The following ZMAT3 variants were observed in gnomAD, a reference collection of about 807,000 sequenced individuals.
ZMAT3 encodes the protein zinc finger matrin-type 3.
A neutral mutation model predicts 32.3 loss-of-function variants in ZMAT3; 17 were observed. That is an observed-to-expected ratio of 0.53 (90% CI 0.36 to 0.79). The LOEUF (loss-of-function observed/expected upper bound fraction) is 0.79. Ranked by LOEUF, ZMAT3 falls within the 30% of genes least tolerant of loss-of-function variation. ZMAT3 has a pLI of 0.00. For synonymous variants in ZMAT3, 120 were observed against 133.1 expected (o/e 0.90, Z 0.68); for missense variants, 329 against 359.7 (o/e 0.91, Z 0.69).
intron 2 of ZMAT3, among the ~76,000 whole-genome samples, chr3:179,034,714 C>T (rs1719487877): frequency 6.6e-6 from 1 of 152,216 alleles, no homozygotes; most frequent in South Asian, 2.1e-4. Context: ...TTTCTCATCA[C>T]CACCATCACC....
In ZMAT3 at chr3:179,025,231, A is replaced by G; in HGVS notation, c.659-3T>C. Reference sequence around the variant, plus strand: ...GCGGGGATTGAAGTAAGGACCTGCTAAAGCAAGAGATAAAAATAATATATT... The same window carrying G: ...GCGGGGATTGAAGTAAGGACCTGCTGAAGCAAGAGATAAAAATAATATATT... On this transcript the variant is annotated splice_polypyrimidine_tract_variant and splice_region_variant and intron_variant, in intron 5 of 5. Transcript: ENST00000311417. 6.2e-7 allele frequency: 1 copy of G among 1,604,068 alleles called. No homozygotes were observed. The highest frequency in any genetic ancestry group is 8.5e-7 in the Non-Finnish European group (1 of 1,173,622).
chr3:179,060,936 A>G (rs1263408629), intron 2 of ZMAT3, among the ~76,000 whole-genome samples: 1 of 152,212 alleles, frequency 6.6e-6, no homozygotes, highest in Non-Finnish European at 1.5e-5. Flanking sequence ...AGCTGTTAAC[A>G]TTCCAAAGAA....
At chr3:179,029,012 T>G (rs925159007) in intron 3 of ZMAT3, among the ~76,000 whole-genome samples, 1 of 151,820 alleles carries the variant, frequency 6.6e-6, no homozygotes, top group African/African-American at 2.4e-5. Flanking sequence ...TAACAAAAAT[T>G]AGCTGGGCAT....
chr3:179,035,921 C>G (rs1024746520), intron 2 of ZMAT3, among the ~76,000 whole-genome samples: 1 of 152,122 alleles, frequency 6.6e-6, no homozygotes, highest in African/African-American at 2.4e-5. Context: ...AAAAAGAAAA[C>G]TGTGCACCAA....
chr3:179,052,656 C>T (rs1053017679), intron 2 of ZMAT3, among the ~76,000 whole-genome samples: 2 of 152,092 alleles, frequency 1.3e-5, no homozygotes, highest in Non-Finnish European at 2.9e-5. Context: ...AGGGTATCTA[C>T]CCACAGGAAA....
chr3:179,047,337 G>T (rs1211697894), intron 2 of ZMAT3, among the ~76,000 whole-genome samples: 1 of 152,180 alleles, frequency 6.6e-6, no homozygotes, highest in Non-Finnish European at 1.5e-5. Flanking sequence ...CACCCTGTGG[G>T]ACAAAAGAAT....
intron 2 of ZMAT3, among the ~76,000 whole-genome samples, chr3:179,067,112 G>A (rs563321078): frequency 1.8e-4 from 28 of 152,230 alleles, no homozygotes; most frequent in African/African-American, 6.7e-4. Flanking sequence ...GTACATCATG[G>A]GTTTTTTTGT....
chr3:179,019,323 C>T lies in ZMAT3; in HGVS notation c.*5694G>A, dbSNP rs1432345971. 6.6e-6 allele frequency: 1 copy of T among 151,412 alleles called. No individual in the cohort carries two copies. Among genetic ancestry groups the T allele is most frequent in the Non-Finnish European group, 1.5e-5 (1 of 67,848 alleles). 9.4% of individuals were successfully genotyped at this position (151,412 alleles called of 1,614,324 possible). The stretch of plus-strand genomic sequence containing the variant: ...ATTGGCTCAGATTATCAACTTCATA[C>T]ACCACTTTCAAAATAGATATTTAAA... On this transcript the variant is annotated 3_prime_UTR_variant, in exon 6 of 6. Coordinates refer to ENST00000311417, the MANE Select transcript of ZMAT3 (RefSeq NM_022470.4).
At chr3:179,035,277 G>A (rs2108548230) in intron 2 of ZMAT3, among the ~76,000 whole-genome samples, 1 of 152,296 alleles carries the variant, frequency 6.6e-6, no homozygotes, top group South Asian at 2.1e-4. Context: ...TGGGCCTTAT[G>A]TCAGACAGCA....
chr3:179,026,540 C>T (rs1428458010), intron 5 of ZMAT3, among the ~76,000 whole-genome samples: 1 of 151,964 alleles, frequency 6.6e-6, no homozygotes, highest in Non-Finnish European at 1.5e-5. Flanking sequence ...GCGTATGCCA[C>T]CATGCCCAGC....
chr3:179,030,337 C>T (rs1576839250), intron 3 of ZMAT3, among the ~76,000 whole-genome samples: 2 of 150,224 alleles, frequency 1.3e-5, no homozygotes, highest in African/African-American at 4.9e-5. Context: ...CATTCAGGAT[C>T]ATTTAGCCCA....
intron 2 of ZMAT3, among the ~76,000 whole-genome samples, chr3:179,047,506 A>T (rs1457771113): frequency 6.6e-6 from 1 of 152,264 alleles, no homozygotes; most frequent in Non-Finnish European, 1.5e-5. Context: ...AACCAAGGTG[A>T]AATATCTGAA....
intron 2 of ZMAT3, among the ~76,000 whole-genome samples, chr3:179,032,764 C>T (rs867907766): frequency 2.7e-5 from 4 of 149,918 alleles, no homozygotes; most frequent in East Asian, 2.0e-4. Flanking sequence ...CCCTCTGCCC[C>T]GCAGCCGCCC....
At chr3:179,044,456 A>C (rs1720119703) in intron 2 of ZMAT3, among the ~76,000 whole-genome samples, 1 of 152,118 alleles carries the variant, frequency 6.6e-6, no homozygotes, top group Non-Finnish European at 1.5e-5. Context: ...CATCCTGGCT[A>C]ACATGATGAA....
At chr3:179,042,810 T>C (rs142427749) in intron 2 of ZMAT3, among the ~76,000 whole-genome samples, 27,431 of 152,182 alleles carry the variant, frequency 0.18, 2,518 homozygotes, top group South Asian at 0.21. Flanking sequence ...GACATGATTG[T>C]ATATTTAGAA....
chr3:179,052,693 T>C (rs532220712), intron 2 of ZMAT3, among the ~76,000 whole-genome samples: 1 of 152,184 alleles, frequency 6.6e-6, no homozygotes, highest in African/African-American at 2.4e-5. Flanking sequence ...AAAAGATACT[T>C]GTGCACACAT....
At chr3:179,064,311 T>G (rs1041685670) in intron 2 of ZMAT3, among the ~76,000 whole-genome samples, 1 of 152,234 alleles carries the variant, frequency 6.6e-6, no homozygotes, top group African/African-American at 2.4e-5. Flanking sequence ...AATTAGTAAG[T>G]TTTTAGTCTT....
intron 2 of ZMAT3, among the ~76,000 whole-genome samples, chr3:179,044,122 T>A (rs1244901921): frequency 2.0e-5 from 3 of 152,200 alleles, no homozygotes; most frequent in African/African-American, 7.2e-5. Context: ...ACACTGTTGG[T>A]GGGAGTGTAA....
intron 2 of ZMAT3, among the ~76,000 whole-genome samples, chr3:179,064,131 G>A (rs971084445): frequency 1.3e-5 from 2 of 152,204 alleles, no homozygotes; most frequent in African/African-American, 4.8e-5. Flanking sequence ...GAAACTCCAC[G>A]ATTTCAACAA....
Sources: allele counts gnomAD v4.1 joint callset (sites outside exome capture counted in the v4.1 genomes callset), GRCh38; gene constraint gnomAD v4.1.1; transcripts MANE v1.5; gene names NCBI Gene and HGNC (gene_info 2026-07-23, HGNC 2026-07-21).